TBC1D10A: variants seen among roughly 807,000 people sequenced by gnomAD.
TBC1D10A encodes EBP50-PDX interactor of 64 kDa.
TBC1D10A carries 24 observed loss-of-function variants against 52.9 expected under a neutral mutation model. The ratio of observed to expected loss-of-function variants is 0.45; its 90% CI spans 0.33 to 0.64. The LOEUF is 0.64. Among genes scored for constraint, TBC1D10A ranks in the 30% least tolerant of loss-of-function variants. TBC1D10A has a pLI of 0.02. For synonymous variants in TBC1D10A, 278 were observed against 282.9 expected (o/e 0.98, Z 0.17); for missense variants, 602 against 687.9 (o/e 0.88, Z 1.40).
At chr22:30,295,168 G>T in intron 4 of TBC1D10A, 113 bp from the exon 5 acceptor site, 1 of 1,015,890 alleles carries the variant, frequency 9.8e-7, no homozygotes, top group Admixed American at 2.1e-5. Flanking sequence ...CCTTGAGAGG[G>T]AAGGTGATCT....
chr22:30,296,800 C>T (rs1930089907), intron 3 of TBC1D10A: 1 of 152,186 alleles, frequency 6.6e-6, no homozygotes, highest in African/African-American at 2.4e-5. Context: ...TAAATTCATA[C>T]CTCAATTTTT....
chr22:30,326,283 G>A (rs577877039), intron 1 of TBC1D10A, among the ~76,000 whole-genome samples: 1 of 151,354 alleles, frequency 6.6e-6, no homozygotes, highest in South Asian at 2.1e-4. Flanking sequence ...TATGGAGGGG[G>A]GCGCCAGCCA....
chr22:30,299,258 A>C, intron 3 of TBC1D10A, 186 bp downstream of exon 3: 2 of 592,282 alleles, frequency 3.4e-6, no homozygotes, highest in South Asian at 4.1e-5. Flanking sequence ...CAGACCCTCC[A>C]GGAGACACAG....
intron 1 of TBC1D10A, among the ~76,000 whole-genome samples, chr22:30,325,991 A>G (rs1930762379): frequency 6.6e-6 from 1 of 152,014 alleles, no homozygotes; most frequent in Non-Finnish European, 1.5e-5. Flanking sequence ...GTGCCAGTGG[A>G]GGAAGCTGTG....
intron 1 of TBC1D10A, among the ~76,000 whole-genome samples, chr22:30,319,579 A>G (rs147564860): frequency 4.1e-4 from 63 of 152,338 alleles, no homozygotes; most frequent in Non-Finnish European, 8.2e-4. Flanking sequence ...GACAGGGCAC[A>G]GAATGGAGTA....
In TBC1D10A at chr22:30,294,725, T is replaced by A. The variant is rs538803095; in HGVS notation, c.705+71A>T. 5 of 1,602,650 alleles carry A rather than the reference T, an allele frequency of 3.1e-6. No individual in the cohort carries two copies. In the African/African-American group the frequency reaches 5.3e-5, roughly 17 times the overall value. ...TTTTTAACCTGGGCAGGAGTTACTA[T>A]GAGAGAAGGGCCTGGAGGGGCCACA... On this transcript the variant is annotated intron_variant, in intron 6 of 8. Transcript: ENST00000215790.
At chr22:30,301,423 C>T (rs1930200154) in intron 2 of TBC1D10A, among the ~76,000 whole-genome samples, 2 of 152,228 alleles carry the variant, frequency 1.3e-5, no homozygotes, top group African/African-American at 4.8e-5. Flanking sequence ...AAGCCAACCA[C>T]TTCTCAACTG....
intron 1 of TBC1D10A, among the ~76,000 whole-genome samples, chr22:30,306,549 T>C (rs1930313656): frequency 6.6e-6 from 1 of 152,164 alleles, no homozygotes; most frequent in African/African-American, 2.4e-5. Context: ...CAAACTACCA[T>C]ATTTCCTGGA....
chr22:30,295,150 T>A, intron 4 of TBC1D10A, 95 bp from the exon 5 acceptor site: 1 of 1,230,912 alleles, frequency 8.1e-7, no homozygotes, highest in Non-Finnish European at 1.2e-6. Context: ...CCTCAGAATC[T>A]GCCCCTCCCT....
chr22:30,314,554 A>G (rs1213546679), intron 1 of TBC1D10A, among the ~76,000 whole-genome samples: 1 of 152,176 alleles, frequency 6.6e-6, no homozygotes, highest in Non-Finnish European at 1.5e-5. Flanking sequence ...TCACGCCTAT[A>G]ATCCCAACAT....
chr22:30,326,586 T>C (rs1601684697), intron 1 of TBC1D10A, 87 bp downstream of exon 1: 1 of 1,303,206 alleles, frequency 7.7e-7, no homozygotes, highest in African/African-American at 1.5e-5. Flanking sequence ...GAGGGGGACG[T>C]GTCGGCAAGT....
chr22:30,299,417 G>A (rs1206929239), intron 3 of TBC1D10A, 27 bp downstream of exon 3: 1 of 1,607,290 alleles, frequency 6.2e-7, no homozygotes, highest in South Asian at 1.1e-5. Context: ...GCGGAAGGGA[G>A]GGCAGGGCAA....
intron 1 of TBC1D10A, among the ~76,000 whole-genome samples, chr22:30,316,012 T>C (rs1930528944): frequency 2.6e-5 from 4 of 152,210 alleles, no homozygotes; most frequent in Admixed American, 2.6e-4. Context: ...TGCTCACCCT[T>C]GGTTTCCTTA....
chr22:30,302,647 G>C (rs923335929), intron 2 of TBC1D10A, among the ~76,000 whole-genome samples: 3 of 152,256 alleles, frequency 2.0e-5, no homozygotes, highest in African/African-American at 7.2e-5. Context: ...CTGGGCTGGA[G>C]AGAAGCAGTG....
intron 1 of TBC1D10A, among the ~76,000 whole-genome samples, chr22:30,307,103 A>G (rs1456336012): frequency 6.6e-6 from 1 of 152,144 alleles, no homozygotes; most frequent in African/African-American, 2.4e-5. Flanking sequence ...GAGCTGTGGG[A>G]TGAAGCTGGG....
At position 30,303,443 on chromosome 22, in the gene TBC1D10A, G is replaced by A. The variant is rs183479940; in HGVS notation, c.309+1088C>T. ...CTTCACCATCTACGATACAGTCTACGAAGCACTTACCACCACTTCGTGGGG... is the reference window on the plus strand; with the variant it reads ...CTTCACCATCTACGATACAGTCTACAAAGCACTTACCACCACTTCGTGGGG... On this transcript the variant is annotated intron_variant, in intron 2 of 8. Coordinates refer to ENST00000215790, the MANE Select transcript of TBC1D10A (RefSeq NM_031937.3). 3.9e-5 allele frequency among the ~76,000 whole-genome samples: 6 copies of A among 152,330 alleles called. No homozygotes were observed. In the East Asian group the frequency reaches 9.6e-4, roughly 24 times the overall value.
intron 1 of TBC1D10A, among the ~76,000 whole-genome samples, chr22:30,317,845 G>A (rs1270764970): frequency 6.6e-6 from 1 of 152,218 alleles, no homozygotes; most frequent in Non-Finnish European, 1.5e-5. Flanking sequence ...TGATTTCCCT[G>A]TGAGGGCAAG....
chr22:30,295,636 G>C, intron 4 of TBC1D10A, 101 bp downstream of exon 4: 1 of 1,131,860 alleles, frequency 8.8e-7, no homozygotes, highest in East Asian at 2.5e-5. Flanking sequence ...TGGAGTTGGG[G>C]GCACCGAGCT....
At position 30,295,758 on chromosome 22, in the gene TBC1D10A, A is replaced by G; in HGVS notation, c.503T>C (p.Phe168Ser). The G allele has an allele frequency of 6.2e-7, 1 of 1,614,054 alleles. No homozygotes were observed. The highest frequency in any genetic ancestry group is 8.5e-7 in the Non-Finnish European group (1 of 1,180,030). ...TCACCCGTGGCCCCCCCGGGACACAAACATCTCATGGAATGGGAACTGCCG... is the reference window on the plus strand; with the variant it reads ...TCACCCGTGGCCCCCCCGGGACACAGACATCTCATGGAATGGGAACTGCCG... The part of the protein sequence containing the change: ...LHRQFPFHEM[F>S]VSRGGHGQQD... The change falls in exon 4 of 9, where the codon TTT becomes TCT. Residue 168 changes from phenylalanine to serine, a missense_variant. By Grantham distance (155) the Phe-to-Ser change is radical. Transcript: ENST00000215790.
Sources: allele counts gnomAD v4.1 joint callset (sites outside exome capture counted in the v4.1 genomes callset), GRCh38; gene constraint gnomAD v4.1.1; transcripts MANE v1.5; gene names NCBI Gene and HGNC (gene_info 2026-07-23, HGNC 2026-07-21).